The following URI1 variants were observed in gnomAD, a reference collection of about 807,000 sequenced individuals.
URI1 encodes URI1 prefoldin like chaperone.
A neutral mutation model predicts 60.2 loss-of-function variants in URI1; 39 were observed. The observed-to-expected ratio is 0.65, with a 90% confidence interval of 0.50 to 0.85. The LOEUF is 0.85. Among genes scored for constraint, URI1 ranks in the 40% least tolerant of loss-of-function variants. URI1 has a pLI of 0.00. For missense variants in URI1, 691 were observed against 665.9 expected, an observed-to-expected ratio of 1.04 and a Z score of -0.42; for synonymous variants, 251 against 236.8, an observed-to-expected ratio of 1.06 and a Z score of -0.55.
chr19:29,969,226 G>T (rs1401575677), intron 1 of URI1, among the ~76,000 whole-genome samples: 1 of 152,130 alleles, frequency 6.6e-6, no homozygotes, highest in Non-Finnish European at 1.5e-5. Context: ...CTTGTACATT[G>T]TGAAATGGAT....
chr19:29,941,622 T>TA (rs1436201029), upstream of URI1, among the ~76,000 whole-genome samples: 65 of 139,082 alleles, frequency 4.7e-4, 1 homozygote, highest in African/African-American at 1.3e-3. Flanking sequence ...CTCAGTCTCT[T>TA]AAAAAAAAAA....
At chr19:29,956,574 G>T in intron 1 of URI1, 7 of 1,514,950 alleles carry the variant, frequency 4.6e-6, no homozygotes, top group Non-Finnish European at 6.4e-6. Flanking sequence ...CATCTTTCTG[G>T]GCTTGAGGTA....
At chr19:30,005,077 G>A (rs1734549201) in intron 4 of URI1, among the ~76,000 whole-genome samples, 1 of 151,934 alleles carries the variant, frequency 6.6e-6, no homozygotes, top group African/African-American at 2.4e-5. Context: ...TTATCCTATA[G>A]AAACCTGGTA....
upstream of URI1, among the ~76,000 whole-genome samples, chr19:29,939,391 C>T (rs1461713227): frequency 1.3e-5 from 2 of 152,060 alleles, no homozygotes; most frequent in African/African-American, 4.8e-5. Context: ...TCTCCTACCT[C>T]AGCCTCCCGA....
intron 5 of URI1, 73 bp downstream of exon 5, chr19:30,005,525 A>G (rs574943276): frequency 1.8e-5 from 27 of 1,491,716 alleles, no homozygotes; most frequent in Non-Finnish European, 2.5e-5. Context: ...TCTTACAGCC[A>G]AGGAACAAAT....
chr19:29,927,560 C>CTTTTTT lies in URI1; in HGVS notation c.63+3827_63+3832dup, dbSNP rs3049080. Among the ~76,000 whole-genome samples the CTTTTTT allele has an allele frequency of 4.3e-3, 173 of 39,808 alleles. 35 individuals carry two copies. Among genetic ancestry groups the CTTTTTT allele is most frequent in the African/African-American group, 0.02 (160 of 7,836 alleles). The allele number at this position is 39,808 out of a possible 152,430, so 26.1% of individuals were successfully genotyped here. A position where few individuals can be genotyped will look rare whatever the true frequency, so the allele number is the denominator to read the frequency against. On this transcript the variant is annotated intron_variant, in intron 1 of 10. Transcript: ENST00000360605. ...TACAAGCATGAGCCACTGCACCCGG[C>CTTTTTT]TTTTTTTTTTTTTTTTTTTTTTTTT... is the stretch of plus-strand genomic sequence containing the variant.
chr19:29,978,220 A>G (rs984339498), intron 2 of URI1, among the ~76,000 whole-genome samples: 14 of 152,200 alleles, frequency 9.2e-5, no homozygotes, highest in African/African-American at 3.4e-4. Context: ...GAAAACTTAC[A>G]TGTTATAGGA....
intron 1 of URI1, chr19:29,957,073 C>T: frequency 1.9e-6 from 1 of 528,706 alleles, no homozygotes; most frequent in Non-Finnish European, 3.4e-6. Context: ...TGTCATTTTC[C>T]TGCTTATAAT....
chr19:30,011,298 C>G, intron 9 of URI1, 62 bp downstream of exon 9: 1 of 1,526,632 alleles, frequency 6.6e-7, no homozygotes. Context: ...TGCCACTGAA[C>G]CTTTACTGGA....
intron 4 of URI1, among the ~76,000 whole-genome samples, chr19:29,996,018 G>A (rs551990733): frequency 1.1e-3 from 171 of 152,040 alleles, no homozygotes; most frequent in Non-Finnish European, 2.0e-3. Context: ...TAGCTTTATA[G>A]TAAGTTTTGA....
intron 3 of URI1, 130 bp downstream of exon 3, chr19:29,985,431 G>A: frequency 1.5e-6 from 1 of 653,338 alleles, no homozygotes; most frequent in Non-Finnish European, 2.4e-6. Context: ...GATTTGTTTT[G>A]TTTTACTTTA....
chr19:29,998,829 A>G (rs1189165688), intron 4 of URI1, among the ~76,000 whole-genome samples: 2 of 151,980 alleles, frequency 1.3e-5, no homozygotes, highest in East Asian at 3.9e-4. Flanking sequence ...CTGATGGGGG[A>G]AAGACTTTCG....
At chr19:29,936,593 T>C (rs2054974815) in intron 1 of URI1, among the ~76,000 whole-genome samples, 1 of 152,230 alleles carries the variant, frequency 6.6e-6, no homozygotes, top group Non-Finnish European at 1.5e-5. Context: ...TGGACGTGTA[T>C]GTTCATATCC....
Position 30,005,878 on chromosome 19 carries a change from A to C in URI1, c.517+170A>C, listed in dbSNP as rs1335024703. Among the ~76,000 whole-genome samples the C allele has an allele frequency of 2.0e-5, 3 of 152,086 alleles. No homozygotes were observed. In the East Asian group the frequency reaches 5.8e-4, roughly 29 times the overall value. On this transcript the variant is annotated intron_variant, in intron 6 of 10. Transcript: ENST00000392271. Reference sequence around the variant, plus strand: ...TTTTATGTGAAACATTAATGGATAAATAACTTTTGGTTAAAAATGTGATTC... The same window carrying C: ...TTTTATGTGAAACATTAATGGATAACTAACTTTTGGTTAAAAATGTGATTC...
intron 8 of URI1, among the ~76,000 whole-genome samples, chr19:30,010,482 A>G (rs2056003611): frequency 2.6e-5 from 4 of 152,168 alleles, no homozygotes. Flanking sequence ...TTTCATTTAG[A>G]TAAAACAGAA....
chr19:29,979,294 A>G (rs890958716), intron 2 of URI1, among the ~76,000 whole-genome samples: 2 of 152,180 alleles, frequency 1.3e-5, no homozygotes, highest in Non-Finnish European at 2.9e-5. Context: ...CAAAAATTAC[A>G]TATAAACTCA....
intron 8 of URI1, 122 bp from the exon 9 acceptor site, chr19:30,010,972 G>GC: frequency 2.8e-6 from 3 of 1,055,322 alleles, no homozygotes; most frequent in Non-Finnish European, 4.1e-6. Flanking sequence ...CATCATTTCA[G>GC]CATCAGAAAA....
intron 1 of URI1, among the ~76,000 whole-genome samples, chr19:29,926,288 C>CT (rs869268628): frequency 3.7e-5 from 5 of 134,546 alleles, no homozygotes; most frequent in Non-Finnish European, 6.2e-5. Context: ...TCCTTCCTAC[C>CT]TTCTTTCCTT....
intron 2 of URI1, among the ~76,000 whole-genome samples, chr19:29,978,241 C>A (rs2055549939): frequency 6.6e-6 from 1 of 151,952 alleles, no homozygotes; most frequent in African/African-American, 2.4e-5. Context: ...GAGTTTTTTT[C>A]CCCTGAAGAG....
Sources: allele counts gnomAD v4.1 joint callset (sites outside exome capture counted in the v4.1 genomes callset), GRCh38; gene constraint gnomAD v4.1.1; transcripts MANE v1.5; gene names NCBI Gene and HGNC (gene_info 2026-07-23, HGNC 2026-07-21).